Variants in THSD7B observed in about 807,000 individuals in gnomAD.
THSD7B encodes the protein thrombospondin type-1 domain-containing protein 7B.
A neutral mutation model predicts 213.6 loss-of-function variants in THSD7B; 138 were observed. The observed-to-expected ratio is 0.65, with a 90% CI of 0.56 to 0.74. The LOEUF (loss-of-function observed/expected upper bound fraction) is 0.74. Among genes scored for constraint, THSD7B ranks in the 30% least tolerant of loss-of-function variants. The probability of loss-of-function intolerance (pLI) is 0.00; values close to 1 mark genes in which losing one functional copy is unlikely to be tolerated. For missense variants in THSD7B, 1,931 were observed against 1,991.5 expected, an observed-to-expected ratio of 0.97 and a Z score of 0.58; for synonymous variants, 742 against 687.0, an observed-to-expected ratio of 1.08 and a Z score of -1.25.
intron 3 of THSD7B, among the ~76,000 whole-genome samples, chr2:137,090,848 G>A (rs1687936608): frequency 6.6e-6 from 1 of 152,098 alleles, no homozygotes; most frequent in Non-Finnish European, 1.5e-5. Flanking sequence ...TTTTACTATT[G>A]TTTCTCTCTG....
At chr2:137,504,583 T>C (rs1162600591) in intron 15 of THSD7B, among the ~76,000 whole-genome samples, 5 of 152,232 alleles carry the variant, frequency 3.3e-5, no homozygotes, top group Non-Finnish European at 7.3e-5. Context: ...ACAAATATGA[T>C]TGAACCACAC....
intron 21 of THSD7B, among the ~76,000 whole-genome samples, chr2:137,651,644 A>G (rs1683139209): frequency 6.6e-6 from 1 of 152,038 alleles, no homozygotes; most frequent in Non-Finnish European, 1.5e-5. Flanking sequence ...CTTGAAGTAC[A>G]TCATTAAATT....
intron 20 of THSD7B, among the ~76,000 whole-genome samples, chr2:137,635,427 T>C (rs534257429): frequency 1.3e-5 from 2 of 152,314 alleles, no homozygotes; most frequent in Admixed American, 6.5e-5. Flanking sequence ...CATGAGGATA[T>C]GTATGGCAGC....
In THSD7B at chr2:137,642,587, C is replaced by T; in HGVS notation, c.3899C>T (p.Pro1300Leu). The T allele has an allele frequency of 6.2e-7, 1 of 1,613,876 alleles. No homozygotes were observed. Among genetic ancestry groups the T allele is most frequent in the Non-Finnish European group, 8.5e-7 (1 of 1,179,826 alleles). The part of the protein sequence containing the change: ...LTQEKTCPVT[P>L]CYSWVLGNWS... Reference sequence around the variant, plus strand: ...CAGGAGAAAACCTGCCCAGTGACCCCCTGCTACAGCTGGGTCCTTGGCAAC... The same window carrying T: ...CAGGAGAAAACCTGCCCAGTGACCCTCTGCTACAGCTGGGTCCTTGGCAAC... The change falls in exon 21 of 28, where the codon CCC becomes CTC. Residue 1300 changes from proline to leucine, a missense_variant. By Grantham distance (98) the Pro-to-Leu change is moderately conservative (BLOSUM62 -3). Transcript: ENST00000409968.
intron 15 of THSD7B, among the ~76,000 whole-genome samples, chr2:137,470,409 G>A (rs1427128873): frequency 6.6e-6 from 1 of 152,202 alleles, no homozygotes; most frequent in East Asian, 1.9e-4. Flanking sequence ...GAAATGGGTG[G>A]TTGAGCTCCT....
intron 15 of THSD7B, among the ~76,000 whole-genome samples, chr2:137,532,716 T>C (rs1415601964): frequency 6.6e-6 from 1 of 151,780 alleles, no homozygotes; most frequent in African/African-American, 2.4e-5. Flanking sequence ...TCTTTCTCTG[T>C]TGTAATCTGC....
intron 2 of THSD7B, among the ~76,000 whole-genome samples, chr2:137,036,780 G>T (rs151172037): frequency 1.3e-5 from 2 of 152,286 alleles, no homozygotes; most frequent in African/African-American, 4.8e-5. Flanking sequence ...AGCAGATTTG[G>T]AAGTACAATT....
At chr2:137,393,050 C>G (rs937742398) in intron 12 of THSD7B, among the ~76,000 whole-genome samples, 3 of 151,708 alleles carry the variant, frequency 2.0e-5, no homozygotes, top group Non-Finnish European at 4.4e-5. Flanking sequence ...CGAGTTTCCT[C>G]AATATTTGCT....
chr2:137,348,842 T>G (rs1240409886), intron 12 of THSD7B, among the ~76,000 whole-genome samples: 2 of 151,328 alleles, frequency 1.3e-5, no homozygotes, highest in East Asian at 1.9e-4. Context: ...CCTATTATCT[T>G]GAAAGTTTGG....
chr2:137,297,899 C>G (rs763323150), intron 12 of THSD7B, among the ~76,000 whole-genome samples: 8 of 152,154 alleles, frequency 5.3e-5, no homozygotes, highest in Non-Finnish European at 8.8e-5. Flanking sequence ...GTAAATTGCC[C>G]AGTCTTGGAT....
chr2:137,281,308 G>C (rs956427591), intron 12 of THSD7B, among the ~76,000 whole-genome samples: 1 of 152,070 alleles, frequency 6.6e-6, no homozygotes, highest in East Asian at 1.9e-4. Flanking sequence ...AAAAAATTGA[G>C]CAAAATAATT....
At chr2:136,945,020 C>G (rs1684909956) in intron 2 of THSD7B, among the ~76,000 whole-genome samples, 2 of 152,138 alleles carry the variant, frequency 1.3e-5, no homozygotes, top group Non-Finnish European at 2.9e-5. Context: ...TTTGCAGTGG[C>G]TGGTACCGGT....
chr2:137,387,713 G>C (rs1558779091), intron 12 of THSD7B, among the ~76,000 whole-genome samples: 1 of 152,034 alleles, frequency 6.6e-6, no homozygotes, highest in Non-Finnish European at 1.5e-5. Context: ...TGATCTGAAG[G>C]ACCCAGGATT....
intron 3 of THSD7B, among the ~76,000 whole-genome samples, chr2:137,079,615 G>A (rs940072350): frequency 1.3e-5 from 2 of 152,198 alleles, no homozygotes; most frequent in South Asian, 2.1e-4. Context: ...CGATATGTGT[G>A]TCTTTTATAT....
At chr2:136,771,093 G>T (rs969977719) in intron 1 of THSD7B, among the ~76,000 whole-genome samples, 1 of 151,950 alleles carries the variant, frequency 6.6e-6, no homozygotes, top group Non-Finnish European at 1.5e-5. Flanking sequence ...GTTCAACAAG[G>T]CTTCTTTCTT....
chr2:137,390,190 G>A (rs571173555), intron 12 of THSD7B, among the ~76,000 whole-genome samples: 1 of 152,208 alleles, frequency 6.6e-6, no homozygotes, highest in East Asian at 1.9e-4. Context: ...AGCGTGGGAT[G>A]TCCTTCCATT....
intron 1 of THSD7B, among the ~76,000 whole-genome samples, chr2:136,778,437 C>A (rs1681654402): frequency 6.6e-6 from 1 of 152,092 alleles, no homozygotes; most frequent in Non-Finnish European, 1.5e-5. Context: ...CCAGTCATAG[C>A]TGAATGAGGT....
intron 14 of THSD7B, among the ~76,000 whole-genome samples, chr2:137,432,032 A>G (rs1687196069): frequency 6.6e-6 from 1 of 152,224 alleles, no homozygotes; most frequent in Admixed American, 6.5e-5. Context: ...CTTTATATTT[A>G]AAGTCTAAAG....
In THSD7B at chr2:136,962,244, T is replaced by C. The variant is rs118147468; in HGVS notation, c.139+79927T>C. ...CTCCCCTCAAGCTTGCAGAAGGAAC[T>C]AACCCTGCTGACAGCTTGGTTTTTA... On this transcript the variant is annotated intron_variant, in intron 2 of 27. Transcript: ENST00000409968. 8.7e-4 allele frequency among the ~76,000 whole-genome samples: 132 copies of C among 152,262 alleles called. 3 individuals carry two copies. The East Asian group carries it at 0.016, about 19-fold the overall frequency.
Sources: allele counts gnomAD v4.1 joint callset (sites outside exome capture counted in the v4.1 genomes callset), GRCh38; gene constraint gnomAD v4.1.1; transcripts MANE v1.5; gene names NCBI Gene and HGNC (gene_info 2026-07-23, HGNC 2026-07-21).